The following PADI1 variants were observed in gnomAD, a reference collection of about 807,000 sequenced individuals.
PADI1 encodes the protein protein-arginine deiminase type-1.
Under a neutral mutation model 74.8 loss-of-function variants are expected in PADI1, and 65 were observed. The ratio of observed to expected loss-of-function variants is 0.87; its 90% CI spans 0.71 to 1.07. The LOEUF is 1.07. PADI1 is among the 50% of genes least tolerant of loss of function. The probability of loss-of-function intolerance (pLI) is 0.00; values close to 1 mark genes in which losing one functional copy is unlikely to be tolerated. For missense variants in PADI1, 943 were observed against 854.0 expected (o/e 1.10, Z -1.30); for synonymous variants, 371 against 336.2 (o/e 1.10, Z -1.13).
chr1:17,238,241 C>G (rs1312865588), intron 12 of PADI1, among the ~76,000 whole-genome samples: 1 of 152,196 alleles, frequency 6.6e-6, no homozygotes, highest in Non-Finnish European at 1.5e-5. Flanking sequence ...AGGGTTTCAC[C>G]ATGTTGGCCA....
intron 15 of PADI1, among the ~76,000 whole-genome samples, chr1:17,242,583 A>T (rs2072800044): frequency 6.6e-6 from 1 of 152,166 alleles, no homozygotes; most frequent in Non-Finnish European, 1.5e-5. Context: ...ACTGTGGGTC[A>T]TCCTGTGGGG....
chr1:17,212,463 G>A (rs2071860165), intron 1 of PADI1, among the ~76,000 whole-genome samples: 1 of 133,662 alleles, frequency 7.5e-6, no homozygotes, highest in Non-Finnish European at 1.5e-5. Context: ...TCTGCCCCCA[G>A]GATCTGGCCA....
chr1:17,220,718 T>G (rs902006858), intron 1 of PADI1, among the ~76,000 whole-genome samples: 2 of 152,320 alleles, frequency 1.3e-5, no homozygotes, highest in South Asian at 4.1e-4. Flanking sequence ...TGTGTAGTTC[T>G]CTCATTCAAC....
At chr1:17,207,063 C>T (rs1363752623) in intron 1 of PADI1, among the ~76,000 whole-genome samples, 1 of 152,196 alleles carries the variant, frequency 6.6e-6, no homozygotes, top group Non-Finnish European at 1.5e-5. Context: ...GGGTCCCTTG[C>T]AGGCCCCCTT....
chr1:17,243,320 CTT>C (rs59944910), intron 15 of PADI1, among the ~76,000 whole-genome samples: 72,364 of 151,874 alleles, frequency 0.48, 17,546 homozygotes, highest in African/African-American at 0.56. Context: ...TCCCCAAAGG[CTT>C]TTTCAGCCCT....
chr1:17,226,348 G>C (rs1192947197), intron 6 of PADI1, among the ~76,000 whole-genome samples, 190 bp downstream of exon 6: 2 of 152,196 alleles, frequency 1.3e-5, no homozygotes, highest in African/African-American at 4.8e-5. Flanking sequence ...TTTATGGAGA[G>C]GAAAACCGAG....
At position 17,218,302 on chromosome 1, in the gene PADI1, C is replaced by T. The variant is rs149953947; in HGVS notation, c.93-3988C>T. Reference sequence around the variant, plus strand: ...TACATTATGTGCTACACACTATTTACATCAGTAAAATTTATAATAAATTTA... The same window carrying T: ...TACATTATGTGCTACACACTATTTATATCAGTAAAATTTATAATAAATTTA... On this transcript the variant is annotated intron_variant, in intron 1 of 15. Coordinates refer to ENST00000375471, the MANE Select transcript of PADI1 (RefSeq NM_013358.3). Among the ~76,000 whole-genome samples, 1,151 of 152,184 alleles carry T rather than the reference C, an allele frequency of 7.6e-3. 18 individuals carry two copies. The highest frequency in any genetic ancestry group is 0.026 in the African/African-American group (1,069 of 41,514).
At chr1:17,230,895 T>C (rs1160764235) in intron 10 of PADI1, among the ~76,000 whole-genome samples, 1 of 152,210 alleles carries the variant, frequency 6.6e-6, no homozygotes, top group African/African-American at 2.4e-5. Context: ...GGCAGCAGCC[T>C]GATTGTTCCT....
intron 1 of PADI1, among the ~76,000 whole-genome samples, chr1:17,215,503 G>C (rs1256335708): frequency 2.6e-5 from 4 of 152,108 alleles, no homozygotes; most frequent in Non-Finnish European, 5.9e-5. Context: ...ACAGAGTCCT[G>C]CTTCCCTTGA....
chr1:17,240,083 C>T (rs887569152), intron 14 of PADI1: 4 of 358,144 alleles, frequency 1.1e-5, no homozygotes, highest in Admixed American at 3.8e-5. Context: ...TGGTGAAATG[C>T]GAGAGACACG....
intron 6 of PADI1, among the ~76,000 whole-genome samples, chr1:17,226,492 G>A (rs113559380): frequency 6.6e-6 from 1 of 152,158 alleles, no homozygotes; most frequent in African/African-American, 2.4e-5. Context: ...GTCAATCAGC[G>A]TGGACTGAAC....
At chr1:17,223,738 C>T in intron 3 of PADI1, 45 bp downstream of exon 3, 1 of 1,492,416 alleles carries the variant, frequency 6.7e-7, no homozygotes, top group Middle Eastern at 1.7e-4. Context: ...TTTGCCCCTC[C>T]AGGTTGACTG....
Position 17,232,891 on chromosome 1 carries a change from C to G in PADI1, c.1234C>G (p.Leu412Val). ...GPSSLDSFGN[L>V]DVSPPVTVGG... ...CTCCAGCCTTGACTCCTTCGGCAAC[C>G]TGGACGTCAGCCCGCCCGTCACGGT... The change falls in exon 11 of 16, where the codon CTG becomes GTG. Residue 412 changes from leucine to valine, a missense_variant. Physicochemically the swap from Leu to Val is conservative, Grantham distance 32. Coordinates refer to ENST00000375471, the MANE Select transcript of PADI1 (RefSeq NM_013358.3). The G allele has an allele frequency of 1.2e-6, 2 of 1,613,574 alleles. No individual in the cohort carries two copies. The highest frequency in any genetic ancestry group is 1.7e-6 in the Non-Finnish European group (2 of 1,179,958).
intron 1 of PADI1, among the ~76,000 whole-genome samples, chr1:17,214,536 G>A (rs1347390037): frequency 6.6e-6 from 1 of 152,184 alleles, no homozygotes; most frequent in Admixed American, 6.5e-5. Context: ...ACCTGACTGT[G>A]CATTTGGGGA....
chr1:17,238,734 C>G (rs776249961), intron 13 of PADI1, 25 bp downstream of exon 13: 57 of 1,241,580 alleles, frequency 4.6e-5, no homozygotes, highest in Non-Finnish European at 6.1e-5. Context: ...CCCGGTCACC[C>G]CTGGGGGACC....
intron 1 of PADI1, among the ~76,000 whole-genome samples, chr1:17,220,865 C>A (rs2072128141): frequency 6.6e-6 from 1 of 152,330 alleles, no homozygotes; most frequent in African/African-American, 2.4e-5. Flanking sequence ...CCCACAGAGG[C>A]CCTGTTGGTT....
chr1:17,226,686 GGCGGA>G (rs2072321758), intron 6 of PADI1, among the ~76,000 whole-genome samples: 1 of 152,176 alleles, frequency 6.6e-6, no homozygotes, highest in Admixed American at 6.6e-5. Flanking sequence ...TACTTTGGGA[GGCGGA>G]TCACCTGAGG....
chr1:17,218,071 A>G (rs1252864068), intron 1 of PADI1, among the ~76,000 whole-genome samples: 2 of 152,238 alleles, frequency 1.3e-5, no homozygotes, highest in African/African-American at 4.8e-5. Context: ...ACCAACGTTT[A>G]CGTCACATAT....
intron 1 of PADI1, among the ~76,000 whole-genome samples, chr1:17,216,187 A>T (rs182453726): frequency 5.3e-5 from 8 of 152,328 alleles, no homozygotes; most frequent in Non-Finnish European, 8.8e-5. Flanking sequence ...CTCTGGTGAC[A>T]GCCTCTGAGC....
Sources: allele counts gnomAD v4.1 joint callset (sites outside exome capture counted in the v4.1 genomes callset), GRCh38; gene constraint gnomAD v4.1.1; transcripts MANE v1.5; gene names NCBI Gene and HGNC (gene_info 2026-07-23, HGNC 2026-07-21).